The following FHIT variants were observed in gnomAD, a reference collection of about 807,000 sequenced individuals.
FHIT encodes the protein fragile histidine triad diadenosine triphosphatase.
Under a neutral mutation model 17.9 loss-of-function variants are expected in FHIT, and 19 were observed. The observed-to-expected ratio is 1.06, with a 90% confidence interval of 0.74 to 1.56. The LOEUF (loss-of-function observed/expected upper bound fraction) is 1.56. Ranked by LOEUF, FHIT falls within the 40% of genes most tolerant of loss-of-function variation. The pLI is 0.00. For synonymous variants in FHIT, 81 were observed against 69.7 expected (o/e 1.16, Z -0.81); for missense variants, 248 against 189.2 (o/e 1.31, Z -1.82).
At chr3:61,249,773 C>T (rs980653105) in intron 1 of FHIT, among the ~76,000 whole-genome samples, 8 of 151,910 alleles carry the variant, frequency 5.3e-5, no homozygotes, top group South Asian at 2.1e-4. Context: ...CAAGTTTTTT[C>T]TCATATACAA....
intron 5 of FHIT, among the ~76,000 whole-genome samples, chr3:60,207,437 C>A (rs1703249518): frequency 6.6e-6 from 1 of 152,068 alleles, no homozygotes; most frequent in African/African-American, 2.4e-5. Flanking sequence ...GGTCACTTTT[C>A]TTACTATATC....
intron 3 of FHIT, among the ~76,000 whole-genome samples, chr3:60,959,985 T>C (rs918064208): frequency 1.3e-5 from 2 of 151,992 alleles, no homozygotes; most frequent in East Asian, 1.9e-4. Flanking sequence ...ATATATACTT[T>C]GTAATGTTTT....
chr3:60,361,932 A>G (rs1386242343), intron 5 of FHIT, among the ~76,000 whole-genome samples: 1 of 152,170 alleles, frequency 6.6e-6, no homozygotes, highest in African/African-American at 2.4e-5. Context: ...TTACAAAAAA[A>G]GTTTTCTCCT....
At chr3:60,558,321 G>A (rs2036813875) in intron 4 of FHIT, among the ~76,000 whole-genome samples, 1 of 151,922 alleles carries the variant, frequency 6.6e-6, no homozygotes, top group Non-Finnish European at 1.5e-5. Context: ...CATGGCTCAG[G>A]CCAGGGTTTC....
At chr3:61,096,977 G>T (rs903018387) in intron 2 of FHIT, among the ~76,000 whole-genome samples, 16 of 151,616 alleles carry the variant, frequency 1.1e-4, no homozygotes, top group African/African-American at 3.9e-4. Context: ...TACGCCGAAG[G>T]CTGAGGCAGG....
chr3:60,271,723 T>C (rs2107628530), intron 5 of FHIT, among the ~76,000 whole-genome samples: 1 of 152,316 alleles, frequency 6.6e-6, no homozygotes, highest in Admixed American at 6.5e-5. Flanking sequence ...ATTCTGTTGT[T>C]GGTATTGATC....
chr3:60,470,476 T>C (rs895396816), intron 5 of FHIT, among the ~76,000 whole-genome samples: 1 of 151,770 alleles, frequency 6.6e-6, no homozygotes, highest in Admixed American at 6.6e-5. Flanking sequence ...CAGAGGAATC[T>C]CTCTGACCAC....
At chr3:61,005,689 T>G (rs61030628) in intron 3 of FHIT, among the ~76,000 whole-genome samples, 2,029 of 152,280 alleles carry the variant, frequency 0.013, 46 homozygotes, top group African/African-American at 0.046. Flanking sequence ...TGGGCCACTA[T>G]GAATTTCGGT....
chr3:60,690,358 C>A (rs1032937728), intron 4 of FHIT: 13 of 573,562 alleles, frequency 2.3e-5, no homozygotes, highest in Non-Finnish European at 3.8e-5. Flanking sequence ...GCCATCCAAC[C>A]ACTTGGTCTT....
chr3:61,123,435 G>A (rs1160980746), intron 2 of FHIT, among the ~76,000 whole-genome samples: 7 of 151,890 alleles, frequency 4.6e-5, no homozygotes, highest in African/African-American at 1.7e-4. Context: ...AACCACCATG[G>A]CACATGTATA....
intron 5 of FHIT, among the ~76,000 whole-genome samples, chr3:60,230,762 T>C (rs1704456259): frequency 6.6e-6 from 1 of 152,200 alleles, no homozygotes. Flanking sequence ...TCAGGATGGA[T>C]TGCAGTGGCA....
At chr3:60,232,602 CA>C (rs915131898) in intron 5 of FHIT, among the ~76,000 whole-genome samples, 1 of 152,184 alleles carries the variant, frequency 6.6e-6, no homozygotes, top group Non-Finnish European at 1.5e-5. Context: ...ATTAGCGTCC[CA>C]CATTCGCTGG....
chr3:61,136,061 T>C (rs1299739163), intron 2 of FHIT, among the ~76,000 whole-genome samples: 2 of 152,040 alleles, frequency 1.3e-5, no homozygotes, highest in Non-Finnish European at 2.9e-5. Flanking sequence ...CGCTATTTTC[T>C]TTAACACAAG....
rs112302689 is a variant in FHIT, at chr3:60,433,695, C to A, written c.103+103165G>T. Among the ~76,000 whole-genome samples the A allele has an allele frequency of 3.9e-3, 595 of 152,146 alleles. 2 individuals are homozygous for A. The highest frequency in any genetic ancestry group is 0.014 in the African/African-American group (567 of 41,522). ...GTAATGGTGAACATCATTTCATATA[C>A]CTGTTGGCTATTAGCATGTTTCTTT... On this transcript the variant is annotated intron_variant, in intron 5 of 9. Transcript: ENST00000492590.
intron 5 of FHIT, among the ~76,000 whole-genome samples, chr3:60,332,942 A>G (rs992494239): frequency 1.3e-5 from 2 of 152,224 alleles, no homozygotes; most frequent in Non-Finnish European, 2.9e-5. Flanking sequence ...GAAAGACTTT[A>G]AAAACTTTAG....
At chr3:60,224,515 T>C (rs947262400) in intron 5 of FHIT, among the ~76,000 whole-genome samples, 3 of 152,134 alleles carry the variant, frequency 2.0e-5, no homozygotes, top group African/African-American at 7.2e-5. Context: ...TTTCTCCTTA[T>C]GCTCATATCC....
chr3:60,722,773 A>C (rs1553708422), intron 4 of FHIT, among the ~76,000 whole-genome samples: 1 of 143,616 alleles, frequency 7.0e-6, no homozygotes, highest in African/African-American at 2.7e-5. Flanking sequence ...AATGCAGTGG[A>C]ATGCAGTGGC....
intron 5 of FHIT, among the ~76,000 whole-genome samples, chr3:60,051,760 A>C (rs1015639200): frequency 1.3e-5 from 2 of 152,156 alleles, no homozygotes; most frequent in Non-Finnish European, 2.9e-5. Context: ...AGGCTGTAAC[A>C]GTGTATACAG....
chr3:60,146,068 G>A (rs951389610), intron 5 of FHIT, among the ~76,000 whole-genome samples: 8 of 152,000 alleles, frequency 5.3e-5, no homozygotes, highest in African/African-American at 1.9e-4. Context: ...TTATCATAAT[G>A]GCAAAATAAA....
Sources: gnomAD v4.1 joint callset for allele counts (sites outside exome capture counted in the v4.1 genomes callset) on GRCh38, gnomAD v4.1.1 for gene constraint, MANE v1.5 for transcripts, NCBI Gene and HGNC (gene_info 2026-07-23, HGNC 2026-07-21) for gene names.